The following PRR16 variants were observed in gnomAD, a reference collection of about 807,000 sequenced individuals.
The protein encoded by PRR16 is proline rich 16.
Under a neutral mutation model 18.2 loss-of-function variants are expected in PRR16, and 6 were observed. That is an observed-to-expected ratio of 0.33 (90% CI 0.18 to 0.65). The LOEUF is 0.65. Ranked by LOEUF, PRR16 falls within the 30% of genes least tolerant of loss-of-function variation. The pLI is 0.74. For synonymous variants in PRR16, 151 were observed against 147.8 expected (o/e 1.02, Z -0.16); for missense variants, 412 against 376.6 (o/e 1.09, Z -0.78).
chr5:120,531,553 G>A (rs1293656842), intron 1 of PRR16: 1 of 152,078 alleles, frequency 6.6e-6, no homozygotes, highest in Non-Finnish European at 1.5e-5. Flanking sequence ...TCTCTAGCAG[G>A]TCATTCCAGG....
At chr5:120,579,889 G>A (rs1038673048) in intron 1 of PRR16, among the ~76,000 whole-genome samples, 2 of 152,124 alleles carry the variant, frequency 1.3e-5, no homozygotes, top group Non-Finnish European at 2.9e-5. Flanking sequence ...CCATTTGTTT[G>A]TGTCCTCTCT....
intron 1 of PRR16, among the ~76,000 whole-genome samples, chr5:120,488,374 T>C (rs1246509383): frequency 6.6e-6 from 1 of 152,190 alleles, no homozygotes; most frequent in Non-Finnish European, 1.5e-5. Context: ...GGCTTAGTCT[T>C]GGGAGGGTGT....
intron 1 of PRR16, among the ~76,000 whole-genome samples, chr5:120,652,602 CA>C (rs1755829793): frequency 6.6e-6 from 1 of 152,036 alleles, no homozygotes; most frequent in Admixed American, 6.6e-5. Context: ...AAAGTATAGA[CA>C]AACCCCAACT....
the PRR16 span, among the ~76,000 whole-genome samples, chr5:120,711,048 A>G: frequency 6.6e-6 from 1 of 151,870 alleles, no homozygotes; most frequent in African/African-American, 2.4e-5. Context: ...TCTTTCTCAC[A>G]TTGCATCACT....
chr5:120,754,359 TATAA>T, the PRR16 span, among the ~76,000 whole-genome samples: 6 of 57,636 alleles, frequency 1.0e-4, no homozygotes, highest in Non-Finnish European at 5.7e-5. Flanking sequence ...ATATGATGTA[TATAA>T]ATATATAATA....
Position 120,540,277 on chromosome 5 carries a change from T to C in PRR16, c.159+75632T>C, listed in dbSNP as rs1351359831. Among the ~76,000 whole-genome samples the C allele has an allele frequency of 2.6e-5, 4 of 152,340 alleles. No individual in the cohort carries two copies. In the South Asian group the frequency reaches 8.3e-4, roughly 32 times the overall value. On this transcript the variant is annotated intron_variant, in intron 1 of 1. Transcript: ENST00000407149. ...GCAGAGGCCCCTGAGGAACCTCTTATCTGTTTGCACACAGCAGCTAGATTG... is the reference window on the plus strand; with the variant it reads ...GCAGAGGCCCCTGAGGAACCTCTTACCTGTTTGCACACAGCAGCTAGATTG...
intron 1 of PRR16, among the ~76,000 whole-genome samples, chr5:120,466,181 G>A (rs1039578309): frequency 1.3e-5 from 2 of 152,176 alleles, no homozygotes; most frequent in Non-Finnish European, 2.9e-5. Context: ...TTCACAACTG[G>A]TTGACAGATG....
the PRR16 span, among the ~76,000 whole-genome samples, chr5:120,789,759 A>G: frequency 6.6e-6 from 1 of 152,112 alleles, no homozygotes; most frequent in Non-Finnish European, 1.5e-5. Context: ...TTATAAAATA[A>G]TATATACAAT....
At chr5:120,648,938 T>C (rs965064962) in intron 1 of PRR16, among the ~76,000 whole-genome samples, 2 of 152,190 alleles carry the variant, frequency 1.3e-5, no homozygotes, top group Non-Finnish European at 2.9e-5. Flanking sequence ...ATAAATGCCC[T>C]CAAGACCATG....
chr5:120,656,661 A>G (rs2150135492), intron 1 of PRR16, among the ~76,000 whole-genome samples: 1 of 152,066 alleles, frequency 6.6e-6, no homozygotes, highest in East Asian at 1.9e-4. Context: ...ACCAGTTTTA[A>G]AAATAGCCAC....
intron 1 of PRR16, among the ~76,000 whole-genome samples, chr5:120,512,262 A>G (rs1429289829): frequency 6.6e-6 from 1 of 150,614 alleles, no homozygotes; most frequent in Admixed American, 6.6e-5. Context: ...TCTGTGAGAC[A>G]TGACTTTCCT....
intron 1 of PRR16, among the ~76,000 whole-genome samples, chr5:120,494,236 G>T (rs1018266964): frequency 6.6e-6 from 1 of 152,068 alleles, no homozygotes; most frequent in African/African-American, 2.4e-5. Flanking sequence ...TGAGTGTAGT[G>T]CTACCTCATT....
At chr5:120,768,865 A>C in the PRR16 span, among the ~76,000 whole-genome samples, 1 of 151,762 alleles carries the variant, frequency 6.6e-6, no homozygotes, top group Non-Finnish European at 1.5e-5. Flanking sequence ...CAGTGGATAT[A>C]CTTTTATGTA....
chr5:120,590,417 T>C (rs1753593804), intron 1 of PRR16, among the ~76,000 whole-genome samples: 1 of 152,198 alleles, frequency 6.6e-6, no homozygotes, highest in African/African-American at 2.4e-5. Context: ...ACAAGTATTT[T>C]GTCAGTAAGA....
At chr5:120,690,497 C>T (rs1476098113), downstream of PRR16, among the ~76,000 whole-genome samples, 1 of 152,106 alleles carries the variant, frequency 6.6e-6, no homozygotes, top group Non-Finnish European at 1.5e-5. Context: ...TTGTAATGTA[C>T]TTTGATAAAA....
intron 1 of PRR16, among the ~76,000 whole-genome samples, chr5:120,645,317 TACAC>T (rs1460696531): frequency 6.6e-6 from 1 of 151,554 alleles, no homozygotes; most frequent in Non-Finnish European, 1.5e-5. Flanking sequence ...AAAGTTTGGT[TACAC>T]ACACAGACAC....
chr5:120,782,024 C>T, the PRR16 span, among the ~76,000 whole-genome samples: 1 of 152,120 alleles, frequency 6.6e-6, no homozygotes, highest in African/African-American at 2.4e-5. Context: ...TAGTTCAAGG[C>T]ATTCTTTCTA....
intron 1 of PRR16, among the ~76,000 whole-genome samples, chr5:120,551,536 T>C (rs182133155): frequency 1.4e-4 from 22 of 152,004 alleles, no homozygotes; most frequent in Admixed American, 1.4e-3. Context: ...CAATGTATGA[T>C]GAATGCATGG....
chr5:120,534,673 A>G (rs1439629720), intron 1 of PRR16, among the ~76,000 whole-genome samples: 1 of 152,116 alleles, frequency 6.6e-6, no homozygotes, highest in Non-Finnish European at 1.5e-5. Flanking sequence ...TTGGTCCATC[A>G]TTTTGTTTTC....
Sources: allele counts gnomAD v4.1 joint callset (sites outside exome capture counted in the v4.1 genomes callset), GRCh38; gene constraint gnomAD v4.1.1; transcripts MANE v1.5; gene names NCBI Gene and HGNC (gene_info 2026-07-23, HGNC 2026-07-21).